The following HIPK1 variants were observed in gnomAD, a reference collection of about 807,000 sequenced individuals.
The protein encoded by HIPK1 is homeodomain interacting protein kinase 1.
HIPK1 carries 28 observed loss-of-function variants against 117.1 expected under a neutral mutation model. The ratio of observed to expected loss-of-function variants is 0.24; its 90% CI spans 0.18 to 0.33. The LOEUF (loss-of-function observed/expected upper bound fraction) is 0.33. Ranked by LOEUF, HIPK1 falls within the 10% of genes least tolerant of loss-of-function variation. The probability of loss-of-function intolerance (pLI) is 1.00; values close to 1 mark genes in which losing one functional copy is unlikely to be tolerated. For synonymous variants in HIPK1, 605 were observed against 562.5 expected (o/e 1.08, Z -1.07); for missense variants, 1,122 against 1,475.1 (o/e 0.76, Z 3.92).
rs1673142019 is a variant in HIPK1, at chr1:113,976,509, T to C, written c.*2997T>C. On this transcript the variant is annotated 3_prime_UTR_variant, in exon 16 of 16. Transcript: ENST00000426820. Reference sequence around the variant, plus strand: ...TCCAATAAGCAGATACCACTTAAGATAGGAGTCTAAACTCCACAGAAAAGG... The same window carrying C: ...TCCAATAAGCAGATACCACTTAAGACAGGAGTCTAAACTCCACAGAAAAGG... 1 of 152,794 alleles carries C rather than the reference T, an allele frequency of 6.5e-6. No homozygotes were observed. The highest frequency in any genetic ancestry group is 1.9e-4 in the East Asian group (1 of 5,342). 9.5% of individuals were successfully genotyped at this position (152,794 alleles called of 1,614,324 possible).
In HIPK1 at chr1:113,941,259, C is replaced by T; in HGVS notation, c.876C>T (p.Ile292=). Residue 292 remains isoleucine (I), a synonymous_variant, in exon 2 of 16, where the codon ATC becomes ATT. Coordinates refer to ENST00000426820, the MANE Select transcript of HIPK1 (RefSeq NM_198268.3). The surrounding 1 kb of genome is among the most constrained non-coding windows in gnomAD (Gnocchi z 4.9). The part of the protein sequence containing the change: ...NKFSPLPLKY[I]RPILQQVATA... The stretch of plus-strand genomic sequence containing the variant: ...TTAGCCCACTGCCACTCAAGTACAT[C>T]AGACCAATCTTGCAGCAGGTGGCCA... The T allele has an allele frequency of 6.2e-7, 1 of 1,614,232 alleles. No individual in the cohort carries two copies. Among genetic ancestry groups the T allele is most frequent in the Non-Finnish European group, 8.5e-7 (1 of 1,180,034 alleles).
chr1:113,972,893 C>A, intron 15 of HIPK1, 131 bp from the exon 16 acceptor site: 1 of 895,364 alleles, frequency 1.1e-6, no homozygotes. Flanking sequence ...GCATTCAATG[C>A]CAGTGTGGGA....
intron 1 of HIPK1, among the ~76,000 whole-genome samples, chr1:113,934,784 GAAAAAAAAA>G (rs564619583): frequency 1.9e-5 from 1 of 51,524 alleles, no homozygotes; most frequent in Non-Finnish European, 3.7e-5. Context: ...CCTCATCTCT[GAAAAAAAAA>G]AAAAAAAAAA....
intron 2 of HIPK1, among the ~76,000 whole-genome samples, chr1:113,949,998 C>G (rs755622876): frequency 6.6e-6 from 1 of 152,032 alleles, no homozygotes; most frequent in African/African-American, 2.4e-5. Flanking sequence ...AGTGTAAGCC[C>G]GAAGAGGCCT....
At chr1:113,950,389 T>A (rs947219359) in intron 2 of HIPK1, among the ~76,000 whole-genome samples, 6 of 152,196 alleles carry the variant, frequency 3.9e-5, no homozygotes, top group Admixed American at 1.3e-4. Context: ...TGGATCTGGA[T>A]CTGGAGTGTC....
chr1:113,952,814 G>T lies in HIPK1; in HGVS notation c.1125G>T (p.Met375Ile). Residue 375 changes from methionine (M) to isoleucine (I), a missense_variant, in exon 3 of 16, where the codon ATG becomes ATT. Around this residue, in one of 6 missense-constraint regions of HIPK1, gnomAD observed 127 missense variants for 197.9 expected, o/e 0.64. Coordinates refer to ENST00000426820, the MANE Select transcript of HIPK1 (RefSeq NM_198268.3). ...LGLPFCEAID[M>I]WSLGCVIAEL... Reference sequence around the variant, plus strand: ...TACCATTTTGTGAAGCTATTGATATGTGGTCACTGGGCTGTGTGATAGCTG... The same window carrying T: ...TACCATTTTGTGAAGCTATTGATATTTGGTCACTGGGCTGTGTGATAGCTG... 1.3e-6 allele frequency: 2 copies of T among 1,530,550 alleles called. No individual in the cohort carries two copies. The highest frequency in any genetic ancestry group is 8.8e-7 in the Non-Finnish European group (1 of 1,134,978). 94.8% of individuals were successfully genotyped at this position (1,530,550 alleles called of 1,614,324 possible).
At chr1:113,930,069 C>T (rs925500818) in intron 1 of HIPK1, 27 of 961,848 alleles carry the variant, frequency 2.8e-5, no homozygotes, top group East Asian at 1.1e-4. Flanking sequence ...CTCAAAGGGC[C>T]CCTGCCTGGG....
chr1:113,951,002 A>G (rs1430890670), intron 2 of HIPK1: 1 of 157,458 alleles, frequency 6.4e-6, no homozygotes, highest in Non-Finnish European at 1.4e-5. Context: ...ATCATTTGTA[A>G]GAATCTTCTT....
chr1:113,962,501 G>T (rs1672193781), intron 9 of HIPK1, 63 bp downstream of exon 9: 9 of 1,530,318 alleles, frequency 5.9e-6, no homozygotes, highest in Admixed American at 1.9e-5. Context: ...CAGATATTTT[G>T]TCCTAGAAAA....
rs1456784039 is a variant in HIPK1 at position 113,940,622 on chromosome 1, C to T, written c.239C>T (p.Ala80Val). 3 of 1,614,092 alleles carry T rather than the reference C, an allele frequency of 1.9e-6. No homozygotes were observed. The highest frequency in any genetic ancestry group is 2.2e-5 in the East Asian group (1 of 44,902). Residue 80 changes from alanine (A) to valine (V), a missense_variant, in exon 2 of 16, where the codon GCA becomes GTA. By Grantham distance (64) the Ala-to-Val change is moderately conservative. Around this residue, in one of 6 missense-constraint regions of HIPK1, gnomAD observed 192 missense variants for 234.0 expected, o/e 0.82. Coordinates refer to ENST00000426820, the MANE Select transcript of HIPK1 (RefSeq NM_198268.3). ...YDQGLLLPAP[A>V]VEHIVVTAAD... ...CAGGGCCTCCTCCTCCCAGCTCCTGCAGTGGAGCATATTGTTGTAACAGCC... is the reference window on the plus strand; with the variant it reads ...CAGGGCCTCCTCCTCCCAGCTCCTGTAGTGGAGCATATTGTTGTAACAGCC...
Position 113,968,639 on chromosome 1 carries a change from A to G in HIPK1, c.2762A>G (p.Lys921Arg), listed in dbSNP as rs1285720838. Residue 921 changes from lysine to arginine, a missense_variant, in exon 13 of 16, where the codon AAG (lysine) becomes AGG (arginine). By Grantham distance (26) the Lys-to-Arg change is conservative. Coordinates refer to ENST00000426820, the MANE Select transcript of HIPK1 (RefSeq NM_198268.3). The stretch of plus-strand genomic sequence containing the variant: ...GATGAGGAAGAGGACAACAAATACA[A>G]GCCCAGTAGGTAAGATAAGTGAATG... ...DTDEEEDNKYKPSSSGLKPRS... is the reference protein window; with the variant it reads ...DTDEEEDNKYRPSSSGLKPRS... The G allele has an allele frequency of 6.2e-7, 1 of 1,612,434 alleles. No homozygotes were observed. Among genetic ancestry groups the G allele is most frequent in the African/African-American group, 1.3e-5 (1 of 74,896 alleles).
At chr1:113,956,922 C>T (rs1558139381) in intron 6 of HIPK1, 111 bp downstream of exon 6, 2 of 1,068,238 alleles carry the variant, frequency 1.9e-6, no homozygotes, top group Non-Finnish European at 2.8e-6. Flanking sequence ...AAATCTGGCT[C>T]AGCAGTGCTT....
At chr1:113,970,618 C>T (rs1672759527) in intron 14 of HIPK1, among the ~76,000 whole-genome samples, 1 of 152,144 alleles carries the variant, frequency 6.6e-6, no homozygotes, top group Non-Finnish European at 1.5e-5. Context: ...TTTTTTCTCA[C>T]CCAGTGTCAT....
intron 3 of HIPK1, 74 bp downstream of exon 3, chr1:113,952,963 A>G (rs1671464338): frequency 3.1e-6 from 4 of 1,291,668 alleles, no homozygotes; most frequent in Middle Eastern, 2.0e-4. Context: ...AAAGAGAAGT[A>G]CTAAGTACTA....
intron 15 of HIPK1, 90 bp from the exon 16 acceptor site, chr1:113,972,934 A>G (rs1441697900): frequency 4.2e-6 from 6 of 1,413,558 alleles, no homozygotes; most frequent in African/African-American, 2.9e-5. Context: ...CGAAAACAGT[A>G]CAAGTCAGAA....
intron 2 of HIPK1, among the ~76,000 whole-genome samples, chr1:113,947,064 C>T (rs1254321544): frequency 6.6e-6 from 1 of 152,188 alleles, no homozygotes; most frequent in African/African-American, 2.4e-5. Context: ...CAAAGCTAGT[C>T]CTTCTCTTAC....
At chr1:113,937,908 A>G (rs758439137) in intron 1 of HIPK1, among the ~76,000 whole-genome samples, 13 of 152,122 alleles carry the variant, frequency 8.5e-5, no homozygotes, top group Non-Finnish European at 1.6e-4. Flanking sequence ...GAGGAATCAA[A>G]GTGGGGAGAT....
intron 10 of HIPK1, 31 bp from the exon 11 acceptor site, chr1:113,966,099 C>CTGGATGTTTTTTA: frequency 6.3e-7 from 1 of 1,599,038 alleles, no homozygotes; most frequent in South Asian, 1.1e-5. Context: ...TGAATCAAGT[C>CTGGATGTTTTTTA]TGGATGTTTT....
intron 2 of HIPK1, among the ~76,000 whole-genome samples, chr1:113,950,097 T>C (rs1456510235): frequency 6.6e-6 from 1 of 152,214 alleles, no homozygotes; most frequent in East Asian, 1.9e-4. Context: ...GGCCACTATT[T>C]ATGTATAAAT....
Sources: gnomAD v4.1 joint callset for allele counts (sites outside exome capture counted in the v4.1 genomes callset) on GRCh38, gnomAD v4.1.1 for gene constraint, gnomAD v4.1.1 regional missense constraint, Gnocchi (gnomAD v3.1) non-coding constraint, MANE v1.5 for transcripts, NCBI Gene and HGNC (gene_info 2026-07-23, HGNC 2026-07-21) for gene names.